The following KIF15 variants were observed in gnomAD, a reference collection of about 807,000 sequenced individuals.
KIF15 encodes kinesin-like protein KIF15.
In KIF15, 140 loss-of-function variants were observed where a neutral mutation model predicts 190.6. That is an observed-to-expected ratio of 0.73 (90% CI 0.64 to 0.84). The LOEUF (loss-of-function observed/expected upper bound fraction) is 0.84, where lower values mean the gene tolerates loss of function less well. Among genes scored for constraint, KIF15 ranks in the 40% least tolerant of loss-of-function variants. KIF15 has a pLI of 0.00. For missense variants in KIF15, 1,372 were observed against 1,584.4 expected, an observed-to-expected ratio of 0.87 and a Z score of 2.28; for synonymous variants, 528 against 551.3, an observed-to-expected ratio of 0.96 and a Z score of 0.59.
intron 23 of KIF15, among the ~76,000 whole-genome samples, 169 bp from the exon 24 acceptor site, chr3:44,828,045 C>G (rs528529511): frequency 6.6e-6 from 1 of 152,176 alleles, no homozygotes; most frequent in Non-Finnish European, 1.5e-5. Flanking sequence ...TGGTAGTCTC[C>G]TGGTAGACAG....
At position 44,851,906 on chromosome 3, in the gene KIF15, G is replaced by C; in HGVS notation, c.3926G>C (p.Arg1309Thr). ...GCATTCCAGGAAAAAGAACAACTGA[G>C]ATCAAAGCTGGAAGAAATGTATGAA... ...SKAFQEKEQL[R>T]SKLEEMYEER... The change falls in exon 33 of 35, where the codon AGA becomes ACA. Residue 1309 changes from arginine (R) to threonine (T), a missense_variant. By Grantham distance (71) the Arg-to-Thr change is moderately conservative. Transcript: ENST00000326047. 6.2e-7 allele frequency: 1 copy of C among 1,613,936 alleles called. No individual in the cohort carries two copies. The highest frequency in any genetic ancestry group is 2.2e-5 in the East Asian group (1 of 44,878).
At chr3:44,764,721 C>G (rs530733829) in intron 1 of KIF15, among the ~76,000 whole-genome samples, 51 of 123,984 alleles carry the variant, frequency 4.1e-4, no homozygotes, top group Middle Eastern at 4.5e-3. Flanking sequence ...TCACTGCAAC[C>G]TCCATCTCTG....
At chr3:44,855,949 G>T (rs765622226), downstream of KIF15, among the ~76,000 whole-genome samples, 1 of 152,104 alleles carries the variant, frequency 6.6e-6, no homozygotes, top group African/African-American at 2.4e-5. Flanking sequence ...GCTTGGTGAG[G>T]TGTGTTTTTA....
intron 6 of KIF15, among the ~76,000 whole-genome samples, chr3:44,860,643 A>T (rs1177780560): frequency 6.6e-6 from 1 of 152,170 alleles, no homozygotes; most frequent in Non-Finnish European, 1.5e-5. Flanking sequence ...AAGTGCTGGG[A>T]TTACAGGCGT....
At chr3:44,806,686 G>A (rs1357766967) in intron 16 of KIF15, among the ~76,000 whole-genome samples, 1 of 152,168 alleles carries the variant, frequency 6.6e-6, no homozygotes, top group Admixed American at 6.5e-5. Context: ...TTGGGAGGTT[G>A]AGGCAAGAGG....
intron 30 of KIF15, among the ~76,000 whole-genome samples, chr3:44,846,982 A>G (rs951018282): frequency 1.3e-5 from 2 of 152,168 alleles, no homozygotes; most frequent in Non-Finnish European, 2.9e-5. Context: ...CTACTTTTGC[A>G]CTACAATAGC....
chr3:44,788,992 G>A (rs991007384), intron 7 of KIF15, among the ~76,000 whole-genome samples: 1 of 152,032 alleles, frequency 6.6e-6, no homozygotes, highest in African/African-American at 2.4e-5. Context: ...CAAGTATATT[G>A]GCATAAAGTT....
intron 20 of KIF15, among the ~76,000 whole-genome samples, chr3:44,816,629 T>C (rs539459796): frequency 6.6e-6 from 1 of 152,320 alleles, no homozygotes; most frequent in South Asian, 2.1e-4. Flanking sequence ...TTTCTTAATC[T>C]AGTCTATCAT....
At chr3:44,843,608 C>T (rs772238181) in intron 30 of KIF15, among the ~76,000 whole-genome samples, 24 of 152,144 alleles carry the variant, frequency 1.6e-4, no homozygotes, top group Non-Finnish European at 3.4e-4. Flanking sequence ...ACTCATGGTC[C>T]AGGGAAAGCC....
intron 4 of KIF15, among the ~76,000 whole-genome samples, chr3:44,778,617 T>C (rs976916041): frequency 5.3e-5 from 8 of 152,162 alleles, no homozygotes; most frequent in African/African-American, 1.9e-4. Context: ...GGGATTACAC[T>C]CCAAGGTAGA....
intron 29 of KIF15, 55 bp downstream of exon 29, chr3:44,841,293 G>A (rs1452312273): frequency 7.1e-6 from 10 of 1,407,520 alleles, no homozygotes; most frequent in Admixed American, 6.4e-5. Flanking sequence ...ACCAAGTCTC[G>A]CTATGTTGCC....
In KIF15 at chr3:44,831,031, G is replaced by T. The variant is rs567526080; in HGVS notation, c.3171+13G>T. On this transcript the variant is annotated intron_variant, in intron 26 of 34. Coordinates refer to ENST00000326047, the MANE Select transcript of KIF15 (RefSeq NM_020242.3). ...TGAGGACATAGAGGTAGGTATTAAC[G>T]CATCACAGCTTCTTTGTTTGCCTTA... is the stretch of plus-strand genomic sequence containing the variant. 7.5e-6 allele frequency: 12 copies of T among 1,608,788 alleles called. No individual in the cohort carries two copies. The highest frequency in any genetic ancestry group is 1.7e-5 in the Admixed American group (1 of 58,784).
At position 44,852,009 on chromosome 3, in the gene KIF15, A is replaced by G. The variant is rs373117343; in HGVS notation, c.3972+57A>G. 5.2e-6 allele frequency: 8 copies of G among 1,548,784 alleles called. No homozygotes were observed. In the South Asian group the frequency reaches 7.3e-5, roughly 14 times the overall value. ...TTAGAACACTCAAATGAATAGAACT[A>G]ATTAGCGTAAAACTCACTTTGTGAT... On this transcript the variant is annotated intron_variant, in intron 33 of 34. Transcript: ENST00000326047.
intron 5 of KIF15, among the ~76,000 whole-genome samples, chr3:44,781,214 C>T (rs1270208029): frequency 1.3e-5 from 2 of 152,148 alleles, no homozygotes; most frequent in African/African-American, 4.8e-5. Context: ...TAACCACTAA[C>T]CAGATCAAGA....
downstream of KIF15, among the ~76,000 whole-genome samples, chr3:44,854,372 G>GAA (rs5848712): frequency 4.9e-5 from 5 of 102,966 alleles, no homozygotes; most frequent in Admixed American, 1.0e-4. Context: ...GCAACAGAGT[G>GAA]AAAAAAAAAA....
At chr3:44,767,666 C>A (rs533174937) in intron 1 of KIF15, among the ~76,000 whole-genome samples, 6 of 151,122 alleles carry the variant, frequency 4.0e-5, no homozygotes, top group African/African-American at 1.5e-4. Context: ...GAGGCCGAGG[C>A]GGGTGGATCA....
intron 28 of KIF15, among the ~76,000 whole-genome samples, 169 bp downstream of exon 28, chr3:44,840,625 A>G (rs1040901930): frequency 1.3e-5 from 2 of 151,804 alleles, no homozygotes; most frequent in Non-Finnish European, 2.9e-5. Context: ...TTTCCTTGGA[A>G]AAGAATTAGA....
rs751706938 is a variant in KIF15, at chr3:44,843,188, C to T, written c.3649C>T (p.Leu1217Phe). The T allele has an allele frequency of 1.1e-5, 17 of 1,613,402 alleles. No homozygotes were observed. Among genetic ancestry groups the T allele is most frequent in the Non-Finnish European group, 1.4e-5 (17 of 1,179,652 alleles). ...ESQQLIEKNWLLQGQLDDIKR... is the reference protein window; with the variant it reads ...ESQQLIEKNWFLQGQLDDIKR... ...TCAGCAGTTAATAGAGAAAAACTGGCTCCTGCAAGGTCAGCTGGATGATAT... is the reference window on the plus strand; with the variant it reads ...TCAGCAGTTAATAGAGAAAAACTGGTTCCTGCAAGGTCAGCTGGATGATAT... Residue 1217 changes from leucine (L) to phenylalanine (F), a missense_variant, in exon 30 of 35, where the codon CTC (leucine) becomes TTC (phenylalanine). Physicochemically the swap from Leu to Phe is conservative, Grantham distance 22. Coordinates refer to ENST00000326047, the MANE Select transcript of KIF15 (RefSeq NM_020242.3).
chr3:44,765,345 G>A (rs1705332511), intron 1 of KIF15, among the ~76,000 whole-genome samples: 1 of 152,190 alleles, frequency 6.6e-6, no homozygotes, highest in South Asian at 2.1e-4. Context: ...ACCTTCTGGG[G>A]CTTCTTATTG....
Sources: allele counts gnomAD v4.1 joint callset (sites outside exome capture counted in the v4.1 genomes callset), GRCh38; gene constraint gnomAD v4.1.1; transcripts MANE v1.5; gene names NCBI Gene and HGNC (gene_info 2026-07-23, HGNC 2026-07-21).